The following TBC1D15 variants were observed in gnomAD, a reference collection of about 807,000 sequenced individuals.
The protein encoded by TBC1D15 is GAP for RAB7.
A neutral mutation model predicts 95.4 loss-of-function variants in TBC1D15; 39 were observed. The observed-to-expected ratio is 0.41, with a 90% CI of 0.32 to 0.53. The LOEUF (loss-of-function observed/expected upper bound fraction) is 0.53, where lower values mean the gene tolerates loss of function less well. Ranked by LOEUF, TBC1D15 falls within the 20% of genes least tolerant of loss-of-function variation. The pLI is 0.29. For missense variants in TBC1D15, 733 were observed against 794.3 expected (o/e 0.92, Z 0.93); for synonymous variants, 258 against 261.3 (o/e 0.99, Z 0.12).
intron 1 of TBC1D15, among the ~76,000 whole-genome samples, chr12:71,844,042 GA>G (rs1456309841): frequency 6.6e-6 from 1 of 152,002 alleles, no homozygotes; most frequent in Non-Finnish European, 1.5e-5. Flanking sequence ...TTTTGTCCTT[GA>G]CTGTTCTCCC....
At chr12:71,854,094 CCTT>C (rs1888467255) in intron 1 of TBC1D15, among the ~76,000 whole-genome samples, 1 of 152,178 alleles carries the variant, frequency 6.6e-6, no homozygotes, top group Admixed American at 6.5e-5. Context: ...TCACTGGACA[CCTT>C]CTGAGTTTTC....
At chr12:71,921,333 T>A (rs768629902) in intron 15 of TBC1D15, 35 bp from the exon 16 acceptor site, 21 of 1,278,878 alleles carry the variant, frequency 1.6e-5, no homozygotes, top group Non-Finnish European at 4.4e-6. Flanking sequence ...GTGTATTCAG[T>A]TTCGATATCA....
chr12:71,847,323 G>A (rs1190906307), intron 1 of TBC1D15, among the ~76,000 whole-genome samples: 4 of 151,852 alleles, frequency 2.6e-5, no homozygotes, highest in Admixed American at 6.6e-5. Flanking sequence ...CTCTGTTTTT[G>A]TATGGCTTTC....
chr12:71,923,097 G>A lies in TBC1D15; in HGVS notation c.1918G>A (p.Ala640Thr). 1 of 1,614,140 alleles carries A rather than the reference G, an allele frequency of 6.2e-7. No homozygotes were observed. The highest frequency in any genetic ancestry group is 8.5e-7 in the Non-Finnish European group (1 of 1,180,018). ...TGTCATGACTCCTTGTCCTACATCT[G>A]CATTTCAAAGTAATGCCTTGCCTAC... ...NVVMTPCPTS[A>T]FQSNALPTLS... is the part of the protein sequence containing the mutation. The change falls in exon 17 of 17, where the codon GCA (alanine) becomes ACA (threonine). Residue 640 changes from alanine to threonine, a missense_variant. Transcript: ENST00000485960.
At chr12:71,874,869 C>T (rs968797104) in intron 3 of TBC1D15, among the ~76,000 whole-genome samples, 14 of 151,890 alleles carry the variant, frequency 9.2e-5, no homozygotes, top group South Asian at 2.1e-4. Flanking sequence ...GTGATCTGCC[C>T]GCCTCTGCCT....
At chr12:71,858,983 T>C (rs2138081331) in intron 1 of TBC1D15, among the ~76,000 whole-genome samples, 1 of 152,180 alleles carries the variant, frequency 6.6e-6, no homozygotes, top group Admixed American at 6.5e-5. Context: ...TTTTTTTTTT[T>C]TGTAGTTTTG....
intron 5 of TBC1D15, among the ~76,000 whole-genome samples, chr12:71,887,221 A>G (rs1396535873): frequency 2.0e-5 from 3 of 152,176 alleles, no homozygotes; most frequent in East Asian, 1.9e-4. Flanking sequence ...TTGATCAACT[A>G]TCAAGTTGAT....
Position 71,873,012 on chromosome 12 carries a change from G to A in TBC1D15, c.204+9G>A. On this transcript the variant is annotated intron_variant, in intron 3 of 16. Transcript: ENST00000485960. The stretch of plus-strand genomic sequence containing the variant: ...TTCTCTATGCTAGAAAGGTATTTAA[G>A]AAAAAAATGTGTTACTAAGGGAATG... 6.3e-7 allele frequency: 1 copy of A among 1,577,634 alleles called. No homozygotes were observed. The highest frequency in any genetic ancestry group is 1.1e-5 in the South Asian group (1 of 87,006).
rs548893068 is a variant in TBC1D15, at chr12:71,857,854, C to T, written c.31-14216C>T. ...CTTTGTCTATTCCCCTTTCCACAAC[C>T]CTTCTCTGCCTGTGGTAACTGCTGT... is the stretch of plus-strand genomic sequence containing the variant. On this transcript the variant is annotated intron_variant, in intron 1 of 16. Coordinates refer to ENST00000485960, the MANE Select transcript of TBC1D15 (RefSeq NM_001146213.3). Among the ~76,000 whole-genome samples the T allele has an allele frequency of 2.6e-5, 4 of 152,156 alleles. No individual in the cohort carries two copies. In the East Asian group the frequency reaches 7.7e-4, roughly 29 times the overall value.
chr12:71,910,703 A>G (rs1182787062), intron 11 of TBC1D15, among the ~76,000 whole-genome samples: 1 of 152,226 alleles, frequency 6.6e-6, no homozygotes, highest in Non-Finnish European at 1.5e-5. Flanking sequence ...CATTCAGGAC[A>G]TAGGCATGGG....
chr12:71,893,438 A>G (rs1277098347), intron 6 of TBC1D15, 114 bp downstream of exon 6: 3 of 522,456 alleles, frequency 5.7e-6, no homozygotes, highest in Non-Finnish European at 9.7e-6. Flanking sequence ...ATATACATAG[A>G]TATGTGTGTG....
At chr12:71,900,969 G>A (rs1592794056) in intron 10 of TBC1D15, among the ~76,000 whole-genome samples, 1 of 152,270 alleles carries the variant, frequency 6.6e-6, no homozygotes, top group East Asian at 1.9e-4. Flanking sequence ...GCATCCAGAT[G>A]GGAAGAGAGG....
At chr12:71,889,145 A>G (rs765090926) in intron 5 of TBC1D15, among the ~76,000 whole-genome samples, 31 of 152,302 alleles carry the variant, frequency 2.0e-4, no homozygotes, top group Non-Finnish European at 3.4e-4. Flanking sequence ...GCACCCTTTA[A>G]TAATCTGGTA....
chr12:71,841,721 C>T (rs1163458436), intron 1 of TBC1D15, among the ~76,000 whole-genome samples: 5 of 152,174 alleles, frequency 3.3e-5, no homozygotes, highest in African/African-American at 1.2e-4. Flanking sequence ...GCTGATTTTA[C>T]TCCTTTTCTA....
At chr12:71,868,240 C>CTTTTTT (rs771782876) in intron 1 of TBC1D15, among the ~76,000 whole-genome samples, 1 of 132,380 alleles carries the variant, frequency 7.6e-6, no homozygotes, top group African/African-American at 2.8e-5. Context: ...GCAGCTTTGA[C>CTTTTTT]TTTTTTTTTT....
chr12:71,868,779 A>G (rs1892042200), intron 1 of TBC1D15: 1 of 152,222 alleles, frequency 6.6e-6, no homozygotes, highest in African/African-American at 2.4e-5. Flanking sequence ...TAATGGTATC[A>G]TAGAACCTTA....
chr12:71,881,848 G>A (rs1190801322), intron 4 of TBC1D15, among the ~76,000 whole-genome samples: 2 of 148,144 alleles, frequency 1.4e-5, no homozygotes, highest in Admixed American at 6.9e-5. Context: ...AGCCTGGGAG[G>A]CAGAGGTTGC....
chr12:71,918,182 A>G (rs555914263), intron 13 of TBC1D15, among the ~76,000 whole-genome samples: 1 of 152,116 alleles, frequency 6.6e-6, no homozygotes, highest in South Asian at 2.1e-4. Context: ...AGACATATAT[A>G]CTCTATTGCA....
chr12:71,905,576 T>G (rs572958900), intron 10 of TBC1D15, among the ~76,000 whole-genome samples: 1 of 152,274 alleles, frequency 6.6e-6, no homozygotes, highest in African/African-American at 2.4e-5. Flanking sequence ...TCCTCCTGTT[T>G]TGGCCTCCCA....
Sources: allele counts gnomAD v4.1 joint callset (sites outside exome capture counted in the v4.1 genomes callset), GRCh38; gene constraint gnomAD v4.1.1; transcripts MANE v1.5; gene names NCBI Gene and HGNC (gene_info 2026-07-23, HGNC 2026-07-21).